JAK2: variants seen among roughly 807,000 people sequenced by gnomAD.
JAK2 encodes the protein Janus kinase 2, also known as tyrosine-protein kinase JAK2.
A neutral mutation model predicts 139.3 loss-of-function variants in JAK2; 86 were observed. That is an observed-to-expected ratio of 0.62 (90% CI 0.52 to 0.74). The LOEUF is 0.74. JAK2 is among the 30% of genes least tolerant of loss of function. The pLI is 0.00. For synonymous variants in JAK2, 490 were observed against 437.7 expected, an observed-to-expected ratio of 1.12 and a Z score of -1.49; for missense variants, 1,421 against 1,360.3, an observed-to-expected ratio of 1.04 and a Z score of -0.70.
intron 2 of JAK2, among the ~76,000 whole-genome samples, chr9:5,013,317 T>C (rs1359221603): frequency 6.6e-6 from 1 of 152,226 alleles, no homozygotes; most frequent in Non-Finnish European, 1.5e-5. Flanking sequence ...TAGGAATAAT[T>C]GTAGGAAAAA....
At position 5,074,580 on chromosome 9, in the gene JAK2, G is replaced by A. The variant is rs74780242; in HGVS notation, c.1864+795G>A. Among the ~76,000 whole-genome samples, 533 of 152,326 alleles carry A rather than the reference G, an allele frequency of 3.5e-3. 4 individuals are homozygous for A. The highest frequency in any genetic ancestry group is 0.013 in the African/African-American group (523 of 41,580). ...AAGGCAAACTTCATAGATGAATGCA[G>A]TGTGTGCTCTGACTGCTCCATCAAT... On this transcript the variant is annotated intron_variant, in intron 14 of 24. Coordinates refer to ENST00000381652, the MANE Select transcript of JAK2 (RefSeq NM_004972.4).
Position 5,028,772 on chromosome 9 carries a change from T to C in JAK2, c.227-1011T>C, listed in dbSNP as rs527894374. 2.5e-4 allele frequency among the ~76,000 whole-genome samples: 38 copies of C among 152,350 alleles called. No homozygotes were observed. In the South Asian group the frequency reaches 7.5e-3, roughly 30 times the overall value. ...TCATGAACCAGCCTCTACTAGCTTC[T>C]TGCTTTTCTTCTGCAGCTTCCTCAC... On this transcript the variant is annotated intron_variant, in intron 3 of 24. Transcript: ENST00000381652.
At chr9:5,041,372 C>A in intron 4 of JAK2, 1 of 626,694 alleles carries the variant, frequency 1.6e-6, no homozygotes, top group Non-Finnish European at 3.0e-6. Flanking sequence ...CAACATGCAC[C>A]TGGGCAAGGA....
intron 3 of JAK2, among the ~76,000 whole-genome samples, chr9:5,027,444 T>C (rs572858910): frequency 6.6e-6 from 1 of 152,324 alleles, no homozygotes; most frequent in South Asian, 2.1e-4. Context: ...AGTCATAATC[T>C]TTTTGTTAGT....
intron 2 of JAK2, among the ~76,000 whole-genome samples, chr9:4,999,086 A>G (rs922051129): frequency 2.6e-5 from 4 of 151,970 alleles, no homozygotes; most frequent in African/African-American, 7.2e-5. Flanking sequence ...CGGCCTCCCA[A>G]AGTGCTGGGA....
intron 8 of JAK2, among the ~76,000 whole-genome samples, chr9:5,060,720 C>A (rs897359770): frequency 6.6e-6 from 1 of 152,200 alleles, no homozygotes; most frequent in Admixed American, 6.5e-5. Flanking sequence ...CTTCCAAATT[C>A]CTGATAATGT....
intron 5 of JAK2, among the ~76,000 whole-genome samples, chr9:5,047,040 A>T (rs1007579129): frequency 5.3e-5 from 8 of 152,180 alleles, no homozygotes; most frequent in African/African-American, 1.9e-4. Context: ...GGATTGTCTT[A>T]TCTAGCATGG....
At chr9:4,998,109 G>A (rs1252295949) in intron 2 of JAK2, among the ~76,000 whole-genome samples, 1 of 152,032 alleles carries the variant, frequency 6.6e-6, no homozygotes, top group Non-Finnish European at 1.5e-5. Context: ...TATTTCACGA[G>A]CAGAATTAAT....
intron 2 of JAK2, among the ~76,000 whole-genome samples, chr9:5,011,323 C>G (rs1821687064): frequency 6.6e-6 from 1 of 152,078 alleles, no homozygotes; most frequent in African/African-American, 2.4e-5. Context: ...GTAGCTGGGA[C>G]TACGGGCACA....
At chr9:5,079,489 G>C (rs1819532375) in intron 16 of JAK2, among the ~76,000 whole-genome samples, 1 of 147,210 alleles carries the variant, frequency 6.8e-6, no homozygotes, top group Non-Finnish European at 1.5e-5. Context: ...AATGCTTGTT[G>C]GTCCTTGGGT....
At chr9:5,045,242 G>A (rs1816919656) in intron 5 of JAK2, among the ~76,000 whole-genome samples, 1 of 152,142 alleles carries the variant, frequency 6.6e-6, no homozygotes, top group African/African-American at 2.4e-5. Flanking sequence ...CAAGGTATCA[G>A]GAGTTCTAAA....
At chr9:5,007,122 T>C (rs1397658489) in intron 2 of JAK2, among the ~76,000 whole-genome samples, 1 of 152,156 alleles carries the variant, frequency 6.6e-6, no homozygotes, top group African/African-American at 2.4e-5. Flanking sequence ...TTTTCTCTGA[T>C]TTCTGCTCTT....
At chr9:5,040,798 G>C (rs1816431558) in intron 4 of JAK2, 1 of 202,700 alleles carries the variant, frequency 4.9e-6, no homozygotes, top group Non-Finnish European at 1.0e-5. Flanking sequence ...GCTGGCCCAG[G>C]CGGTGCAGGA....
chr9:4,989,459 C>A (rs1356846047), intron 2 of JAK2, among the ~76,000 whole-genome samples: 29 of 152,102 alleles, frequency 1.9e-4, no homozygotes, highest in Admixed American at 1.8e-3. Context: ...TAAAAAAAAA[C>A]CACAACACAC....
At chr9:4,993,074 G>T (rs762723741) in intron 2 of JAK2, among the ~76,000 whole-genome samples, 1 of 152,122 alleles carries the variant, frequency 6.6e-6, no homozygotes, top group South Asian at 2.1e-4. Flanking sequence ...TATAGCAACT[G>T]TCCCTTTCAT....
At chr9:5,091,004 A>G in intron 22 of JAK2, 93 bp downstream of exon 22, 1 of 952,232 alleles carries the variant, frequency 1.1e-6, no homozygotes, top group Non-Finnish European at 1.6e-6. Flanking sequence ...CTATATTTAC[A>G]GTAACAGTGA....
At chr9:5,007,328 A>G (rs868842398) in intron 2 of JAK2, among the ~76,000 whole-genome samples, 3 of 152,132 alleles carry the variant, frequency 2.0e-5, no homozygotes, top group African/African-American at 4.8e-5. Context: ...TATTCTTTGT[A>G]CCATGGGTTC....
At chr9:5,019,284 A>T (rs1187158893) in intron 2 of JAK2, among the ~76,000 whole-genome samples, 1 of 151,954 alleles carries the variant, frequency 6.6e-6, no homozygotes, top group Non-Finnish European at 1.5e-5. Flanking sequence ...ATTTCAGAAG[A>T]CCTGTCTTCA....
intron 22 of JAK2, chr9:5,112,767 G>A (rs559253156): frequency 2.7e-5 from 17 of 618,470 alleles, no homozygotes; most frequent in African/African-American, 1.3e-4. Flanking sequence ...AAGGTGTCGC[G>A]CGTGTTCGGA....
Sources: gnomAD v4.1 joint callset for allele counts (sites outside exome capture counted in the v4.1 genomes callset) on GRCh38, gnomAD v4.1.1 for gene constraint, MANE v1.5 for transcripts, NCBI Gene and HGNC (gene_info 2026-07-23, HGNC 2026-07-21) for gene names.